CDCA4: variants seen among roughly 807,000 people sequenced by gnomAD.
The protein encoded by CDCA4 is cell division cycle associated 4.
For synonymous variants in CDCA4, 130 were observed against 137.0 expected (o/e 0.95, Z 0.36); for missense variants, 294 against 322.1 (o/e 0.91, Z 0.67).
At chr14:105,017,268 A>C (rs983548801) in intron 1 of CDCA4, among the ~76,000 whole-genome samples, 2 of 151,712 alleles carry the variant, frequency 1.3e-5, no homozygotes, top group Non-Finnish European at 2.9e-5. Context: ...GCTGGAGTGC[A>C]GTGGTGCAAT....
chr14:105,018,773 G>C (rs1191922693), intron 1 of CDCA4, among the ~76,000 whole-genome samples: 1 of 147,910 alleles, frequency 6.8e-6, no homozygotes, highest in African/African-American at 2.5e-5. Flanking sequence ...GTCTCATTCT[G>C]TCCCCCAGGC....
chr14:105,018,798 G>GCAA (rs1183507981), intron 1 of CDCA4, among the ~76,000 whole-genome samples: 2 of 150,956 alleles, frequency 1.3e-5, no homozygotes, highest in Non-Finnish European at 2.9e-5. Flanking sequence ...GTGCAGTGAT[G>GCAA]CAATCTCAGC....
Position 105,011,838 on chromosome 14 carries a change from C to A in CDCA4, c.92G>T (p.Ser31Ile). The A allele has an allele frequency of 6.2e-7, 1 of 1,613,934 alleles. No individual in the cohort carries two copies. ...LAGLKTVSSY[S>I]LQRQSLLDMS... ...GTCCAGGAGCGACTGCCGCTGCAGG[C>A]TGTATGAGGACACTGTCTTCAAGCC... The change falls in exon 2 of 2, where the codon AGC becomes ATC. Residue 31 changes from serine (S) to isoleucine (I), a missense_variant. Coordinates refer to ENST00000336219, the MANE Select transcript of CDCA4 (RefSeq NM_017955.4).
intron 1 of CDCA4, 85 bp from the exon 2 acceptor site, chr14:105,012,020 C>G (rs1186128470): frequency 6.8e-7 from 1 of 1,479,584 alleles, no homozygotes; most frequent in African/African-American, 1.4e-5. Context: ...ACTGCCCTCA[C>G]TGTACGCAAG....
At chr14:105,017,479 C>T (rs1900683057) in intron 1 of CDCA4, among the ~76,000 whole-genome samples, 1 of 152,090 alleles carries the variant, frequency 6.6e-6, no homozygotes, top group Non-Finnish European at 1.5e-5. Flanking sequence ...CCACCTCGGC[C>T]TCCCAAAGTG....
chr14:105,014,913 T>C (rs1226856103), intron 1 of CDCA4, among the ~76,000 whole-genome samples: 1 of 152,162 alleles, frequency 6.6e-6, no homozygotes, highest in Non-Finnish European at 1.5e-5. Context: ...CCCAAGTTTA[T>C]AGACAGAAGA....
chr14:105,017,389 G>C (rs1420348682), intron 1 of CDCA4, among the ~76,000 whole-genome samples: 1 of 151,960 alleles, frequency 6.6e-6, no homozygotes, highest in East Asian at 2.0e-4. Context: ...CGCCCAGCTA[G>C]TTTTTTGTAT....
intron 1 of CDCA4, among the ~76,000 whole-genome samples, chr14:105,020,435 G>A (rs1243573632): frequency 2.6e-5 from 4 of 152,208 alleles, no homozygotes; most frequent in South Asian, 2.1e-4. Flanking sequence ...AGACGCGGAG[G>A]GAGGCTTGCG....
intron 1 of CDCA4, among the ~76,000 whole-genome samples, chr14:105,020,225 A>G (rs1231255878): frequency 6.6e-6 from 1 of 152,248 alleles, no homozygotes; most frequent in Non-Finnish European, 1.5e-5. Context: ...TTGTACGTAG[A>G]AAGTTGATAA....
At position 105,011,858 on chromosome 14, in the gene CDCA4, CA is replaced by C; in HGVS notation, c.71del (p.Leu24Ter). ...EEDVEGALAG[L>X]KTVSSYSLQR... The stretch of plus-strand genomic sequence containing the variant: ...GCAGGCTGTATGAGGACACTGTCTT[CA>C]AGCCGGCCAGGGCTCCCTCCACGTC... On this transcript the variant is annotated frameshift_variant, in exon 2 of 2. Transcript: ENST00000336219. LOFTEE classifies it low-confidence loss of function (END_TRUNC). 1 of 1,613,988 alleles carries C rather than the reference CA, an allele frequency of 6.2e-7. No individual in the cohort carries two copies. Among genetic ancestry groups the C allele is most frequent in the Non-Finnish European group, 8.5e-7 (1 of 1,180,030 alleles).
intron 1 of CDCA4, among the ~76,000 whole-genome samples, chr14:105,012,902 T>A (rs1287454330): frequency 6.6e-6 from 1 of 151,790 alleles, no homozygotes; most frequent in Non-Finnish European, 1.5e-5. Flanking sequence ...CTCCTTTCTC[T>A]TCAAAGGAAC....
Position 105,009,780 on chromosome 14 carries a change from G to C in CDCA4, c.*1424C>G, listed in dbSNP as rs896975352. ...AGAATTTGCTCTGCAACCCTGTGGGGGGGGGAAATAAAAGTAACCCAGCGT... is the reference window on the plus strand; with the variant it reads ...AGAATTTGCTCTGCAACCCTGTGGGCGGGGGAAATAAAAGTAACCCAGCGT... On this transcript the variant is annotated 3_prime_UTR_variant, in exon 2 of 2. Coordinates refer to ENST00000336219, the MANE Select transcript of CDCA4 (RefSeq NM_017955.4). 1 of 152,106 alleles carries C rather than the reference G, an allele frequency of 6.6e-6. No homozygotes were observed. The allele number at this position is 152,106 out of a possible 1,614,324, so 9.4% of individuals were successfully genotyped here.
Position 105,011,266 on chromosome 14 carries a change from A to T in CDCA4, c.664T>A (p.Ser222Thr). 1 of 1,613,642 alleles carries T rather than the reference A, an allele frequency of 6.2e-7. No homozygotes were observed. The highest frequency in any genetic ancestry group is 8.5e-7 in the Non-Finnish European group (1 of 1,179,904). ...TCGCCCAGGTCGGACTTGCAGCTGG[A>T]GCTAGGGCCTGGGGTGGCCGGAGCC... ...GLAPATPGPS[S>T]SCKSDLGELD... The change falls in exon 2 of 2, where the codon TCC (serine) becomes ACC (threonine). Residue 222 changes from serine (S) to threonine (T), a missense_variant. Physicochemically the swap from Ser to Thr is moderately conservative, Grantham distance 58. Transcript: ENST00000336219.
At chr14:105,017,702 G>A (rs11845844) in intron 1 of CDCA4, among the ~76,000 whole-genome samples, 36,176 of 151,814 alleles carry the variant, frequency 0.24, 6,459 homozygotes, top group African/African-American at 0.5. Context: ...GTGGTGGCAC[G>A]TGCCTGTAGT....
intron 1 of CDCA4, among the ~76,000 whole-genome samples, chr14:105,014,739 ACCCTG>A (rs1312659841): frequency 6.6e-6 from 1 of 152,204 alleles, no homozygotes; most frequent in African/African-American, 2.4e-5. Flanking sequence ...TACAAAGGAC[ACCCTG>A]CGTTGGGGAA....
chr14:105,017,276 A>C (rs1900676339), intron 1 of CDCA4, among the ~76,000 whole-genome samples: 1 of 151,812 alleles, frequency 6.6e-6, no homozygotes, highest in Admixed American at 6.6e-5. Context: ...GCAGTGGTGC[A>C]ATCTCGGCTC....
intron 1 of CDCA4, among the ~76,000 whole-genome samples, chr14:105,014,327 G>A (rs2140909548): frequency 6.6e-6 from 1 of 152,324 alleles, no homozygotes; most frequent in South Asian, 2.1e-4. Flanking sequence ...CTGGGGAGCA[G>A]AGGAAGGGCA....
intron 1 of CDCA4, among the ~76,000 whole-genome samples, chr14:105,020,203 A>T (rs1463774808): frequency 6.6e-6 from 1 of 152,216 alleles, no homozygotes; most frequent in Admixed American, 6.5e-5. Flanking sequence ...GTGACACTTG[A>T]AAATAGAGTG....
chr14:105,018,638 G>C (rs1291669589), intron 1 of CDCA4, among the ~76,000 whole-genome samples: 1 of 152,112 alleles, frequency 6.6e-6, no homozygotes, highest in Non-Finnish European at 1.5e-5. Context: ...AGGGCCTCCT[G>C]TGTGACTTCT....
Sources: allele counts gnomAD v4.1 joint callset (sites outside exome capture counted in the v4.1 genomes callset), GRCh38; gene constraint gnomAD v4.1.1; transcripts MANE v1.5; gene names NCBI Gene and HGNC (gene_info 2026-07-23, HGNC 2026-07-21).